Variants in TFEB observed in about 807,000 individuals in gnomAD.
TFEB encodes the protein T-cell transcription factor EB.
In TFEB, 12 loss-of-function variants were observed where a neutral mutation model predicts 48.0. That is an observed-to-expected ratio of 0.25 (90% CI 0.16 to 0.40). The LOEUF (loss-of-function observed/expected upper bound fraction) is 0.40, where lower values mean the gene tolerates loss of function less well. Ranked by LOEUF, TFEB falls within the 10% of genes least tolerant of loss-of-function variation. The pLI is 1.00. For missense variants in TFEB, 509 were observed against 640.3 expected (o/e 0.79, Z 2.21); for synonymous variants, 244 against 261.4 (o/e 0.93, Z 0.64).
chr6:41,719,573 G>A (rs975412724), intron 1 of TFEB, among the ~76,000 whole-genome samples: 16 of 152,182 alleles, frequency 1.1e-4, no homozygotes, highest in African/African-American at 3.9e-4. Context: ...CTGAGACCTA[G>A]GAGGCCAGAC....
At chr6:41,688,527 A>G (rs1769134373) in intron 4 of TFEB, among the ~76,000 whole-genome samples, 1 of 152,084 alleles carries the variant, frequency 6.6e-6, no homozygotes, top group East Asian at 1.9e-4. Context: ...CTGGATCCCC[A>G]GTACAGTGTT....
chr6:41,698,925 C>T (rs756498343), intron 1 of TFEB, among the ~76,000 whole-genome samples: 1 of 152,208 alleles, frequency 6.6e-6, no homozygotes, highest in Non-Finnish European at 1.5e-5. Context: ...AAAGCCATTC[C>T]ACATTACGGA....
At chr6:41,696,266 C>T (rs1769577043) in intron 1 of TFEB, among the ~76,000 whole-genome samples, 1 of 152,192 alleles carries the variant, frequency 6.6e-6, no homozygotes, top group Non-Finnish European at 1.5e-5. Flanking sequence ...CACTCCATGA[C>T]CCATGGACCC....
rs769105806 is a variant in TFEB at position 41,723,929 on chromosome 6, G to A, written c.-23+11421C>T. On this transcript the variant is annotated intron_variant, in intron 1 of 8. Transcript: ENST00000373033. The surrounding 1 kb of genome is among the most constrained non-coding windows in gnomAD (Gnocchi z 6.0). Reference sequence around the variant, plus strand: ...TGGGCCTAACCCTAACCCCAGCCCCGCTTCCTAGAGACATGTGTCCTTCTA... The same window carrying A: ...TGGGCCTAACCCTAACCCCAGCCCCACTTCCTAGAGACATGTGTCCTTCTA... 1.6e-5 allele frequency: 8 copies of A among 512,770 alleles called. No homozygotes were observed. The highest frequency in any genetic ancestry group is 4.3e-5 in the South Asian group (3 of 70,120). 31.8% of individuals were successfully genotyped at this position (512,770 alleles called of 1,614,324 possible).
At position 41,735,504 on chromosome 6, in the gene TFEB, CCGCCGCCGT is replaced by C. The variant is rs1184284257; in HGVS notation, c.-186_-178del. 1 of 984,656 alleles carries C rather than the reference CCGCCGCCGT, an allele frequency of 1.0e-6. No individual in the cohort carries two copies. Among genetic ancestry groups the C allele is most frequent in the Middle Eastern group, 5.2e-4 (1 of 1,914 alleles). 61.0% of individuals were successfully genotyped at this position (984,656 alleles called of 1,614,324 possible). The stretch of plus-strand genomic sequence containing the variant: ...GGGAGGCCCGCCCCGTCCGCCCTTC[CCGCCGCCGT>C]CGGCGCCGCGGCCGCTCCCTGCGTC... On this transcript the variant is annotated 5_prime_UTR_variant, in exon 1 of 9. Transcript: ENST00000373033.
rs1581947181 is a variant in TFEB, at chr6:41,735,553, G to C, written c.-226C>G. 1.0e-6 allele frequency: 1 copy of C among 984,610 alleles called. No individual in the cohort carries two copies. The highest frequency in any genetic ancestry group is 6.2e-5 in the Admixed American group (1 of 16,160). The allele number at this position is 984,610 out of a possible 1,614,324, so 61.0% of individuals were successfully genotyped here. On this transcript the variant is annotated 5_prime_UTR_variant, in exon 1 of 9. Transcript: ENST00000373033. ...CTCCCTGCGTCCCGCCCGGGCCGCC[G>C]CCTCCGCTGTCACCGAGCCCCGCGC...
In TFEB at chr6:41,684,166, C is replaced by T. The variant is rs1768861600; in HGVS notation, c.*433G>A. 3 of 234,888 alleles carry T rather than the reference C, an allele frequency of 1.3e-5. No individual in the cohort carries two copies. The East Asian group carries it at 1.8e-4, about 14-fold the overall frequency. The allele number at this position is 234,888 out of a possible 1,614,324, so 14.6% of individuals were successfully genotyped here. A position where few individuals can be genotyped will look rare whatever the true frequency, so the allele number is the denominator to read the frequency against. On this transcript the variant is annotated 3_prime_UTR_variant, in exon 9 of 9. Coordinates refer to ENST00000373033, the MANE Select transcript of TFEB (RefSeq NM_001271944.2). ...CCAGGCTGCGGGGTGGACCTCCTGC[C>T]ATCTGAGTCCCAAAAAGGCAGGCCT...
chr6:41,691,852 C>A lies in TFEB; in HGVS notation c.-22-617G>T, dbSNP rs1278550663. Among the ~76,000 whole-genome samples the A allele has an allele frequency of 6.6e-6, 1 of 152,164 alleles. No homozygotes were observed. Among genetic ancestry groups the A allele is most frequent in the Non-Finnish European group, 1.5e-5 (1 of 68,026 alleles). On this transcript the variant is annotated intron_variant, in intron 1 of 8. Transcript: ENST00000373033. This position sits in a 1 kb window ranked among gnomAD's most constrained non-coding sequence, Gnocchi z 5.2. Reference sequence around the variant, plus strand: ...TGGCCCACCTCGTGTTCCCCTTTGACCCCATCCGCCAGCTCTCCCTCTTGT... The same window carrying A: ...TGGCCCACCTCGTGTTCCCCTTTGAACCCATCCGCCAGCTCTCCCTCTTGT...
intron 1 of TFEB, among the ~76,000 whole-genome samples, chr6:41,726,639 C>A (rs534756590): frequency 5.9e-5 from 9 of 152,228 alleles, no homozygotes; most frequent in Admixed American, 6.5e-5. Context: ...TGGGGTTTCA[C>A]CATGTTGGCC....
At chr6:41,716,323 G>C (rs922412943) in intron 1 of TFEB, among the ~76,000 whole-genome samples, 2 of 152,190 alleles carry the variant, frequency 1.3e-5, no homozygotes, top group Non-Finnish European at 1.5e-5. Context: ...AGCGGTAGCT[G>C]TCACAAGCAC....
At chr6:41,718,075 T>A (rs565042223) in intron 1 of TFEB, among the ~76,000 whole-genome samples, 2 of 152,342 alleles carry the variant, frequency 1.3e-5, no homozygotes, top group Non-Finnish European at 2.9e-5. Context: ...TACAAGGTGA[T>A]GCTATGATTT....
chr6:41,725,775 T>A lies in TFEB; in HGVS notation c.-23+9575A>T, dbSNP rs529672778. 4.1e-4 allele frequency among the ~76,000 whole-genome samples: 62 copies of A among 152,280 alleles called. No homozygotes were observed. In the South Asian group the frequency reaches 0.013, roughly 31 times the overall value. ...ACCCCAAAATTATATATTTTTAAAA[T>A]GAGAATGAAAATGCAATACACCAGG... On this transcript the variant is annotated intron_variant, in intron 1 of 8. Coordinates refer to ENST00000373033, the MANE Select transcript of TFEB (RefSeq NM_001271944.2).
At chr6:41,701,555 T>A (rs1182557604) in intron 1 of TFEB, among the ~76,000 whole-genome samples, 1 of 152,154 alleles carries the variant, frequency 6.6e-6, no homozygotes, top group Non-Finnish European at 1.5e-5. Context: ...CCTCCCACAT[T>A]GCACTGCGCA....
chr6:41,688,498 G>A (rs549798229), intron 4 of TFEB, among the ~76,000 whole-genome samples: 2 of 152,060 alleles, frequency 1.3e-5, no homozygotes, highest in African/African-American at 4.8e-5. Context: ...TGGAGGTGCT[G>A]TAGGCAGGGC....
upstream of TFEB, chr6:41,736,061 G>A (rs546410251): frequency 2.7e-5 from 41 of 1,545,794 alleles, no homozygotes; most frequent in Non-Finnish European, 3.0e-5. Context: ...CAAGGCCAGG[G>A]TGAGCCTGGC....
intron 3 of TFEB, among the ~76,000 whole-genome samples, chr6:41,690,403 T>C (rs767657314): frequency 2.6e-5 from 4 of 152,262 alleles, no homozygotes; most frequent in Non-Finnish European, 4.4e-5. Context: ...GTGCTGGGAT[T>C]ACAGGCGTGA....
chr6:41,717,782 G>C (rs1261901618), intron 1 of TFEB, among the ~76,000 whole-genome samples: 5 of 152,178 alleles, frequency 3.3e-5, no homozygotes, highest in Non-Finnish European at 5.9e-5. Flanking sequence ...AGGTATCCTG[G>C]GCAGAGCACT....
rs908297713 is a variant in TFEB, at chr6:41,735,269, G to A, written c.-23+81C>T. The A allele has an allele frequency of 9.2e-6, 9 of 976,966 alleles. No individual in the cohort carries two copies. In the African/African-American group the frequency reaches 1.6e-4, roughly 17 times the overall value. 60.5% of individuals were successfully genotyped at this position (976,966 alleles called of 1,614,324 possible). On this transcript the variant is annotated intron_variant, in intron 1 of 8. Coordinates refer to ENST00000373033, the MANE Select transcript of TFEB (RefSeq NM_001271944.2). ...CCCCCACCCTCCCACCTGTCTCCGG[G>A]ACCCACGGGATAGGGGCCAGGGAGC...
intron 1 of TFEB, among the ~76,000 whole-genome samples, chr6:41,713,975 C>T (rs1466784662): frequency 6.6e-6 from 1 of 152,240 alleles, no homozygotes; most frequent in Non-Finnish European, 1.5e-5. Flanking sequence ...GTGGGCCACA[C>T]CACATCCTGT....
Sources: gnomAD v4.1 joint callset for allele counts (sites outside exome capture counted in the v4.1 genomes callset) on GRCh38, gnomAD v4.1.1 for gene constraint, Gnocchi (gnomAD v3.1) non-coding constraint, MANE v1.5 for transcripts, NCBI Gene and HGNC (gene_info 2026-07-23, HGNC 2026-07-21) for gene names.